Variants in GALNTL6 observed in about 807,000 individuals in gnomAD.
GALNTL6 encodes the protein polypeptide N-acetylgalactosaminyltransferase like 6, also known as polypeptide N-acetylgalactosaminyltransferase-like 6.
In GALNTL6, 46 loss-of-function variants were observed where a neutral mutation model predicts 73.7. The ratio of observed to expected loss-of-function variants is 0.62; its 90% CI spans 0.49 to 0.80. The LOEUF (loss-of-function observed/expected upper bound fraction) is 0.80. GALNTL6 is among the 30% of genes least tolerant of loss of function. The pLI is 0.00. For synonymous variants in GALNTL6, 259 were observed against 263.7 expected, an observed-to-expected ratio of 0.98 and a Z score of 0.17; for missense variants, 604 against 755.0, an observed-to-expected ratio of 0.80 and a Z score of 2.34.
At chr4:172,547,930 CAGTGGTAGTGCA>C (rs1168350069) in intron 5 of GALNTL6, among the ~76,000 whole-genome samples, 57 of 152,270 alleles carry the variant, frequency 3.7e-4, no homozygotes, top group Non-Finnish European at 7.6e-4. Flanking sequence ...TAAAGAGCCC[CAGTGGTAGTGCA>C]AGCTGTACAG....
At chr4:172,499,369 A>G (rs1284344941) in intron 5 of GALNTL6, among the ~76,000 whole-genome samples, 1 of 152,200 alleles carries the variant, frequency 6.6e-6, no homozygotes, top group Admixed American at 6.5e-5. Flanking sequence ...TCTGCAAAGC[A>G]GGAGGAAGGC....
chr4:172,870,217 A>ATGTT (rs1472330582), intron 7 of GALNTL6, among the ~76,000 whole-genome samples: 1 of 152,114 alleles, frequency 6.6e-6, no homozygotes, highest in Non-Finnish European at 1.5e-5. Flanking sequence ...GAACAAATTT[A>ATGTT]TGTTTAAATT....
chr4:172,282,498 C>T (rs924518249), intron 3 of GALNTL6, among the ~76,000 whole-genome samples: 2 of 151,782 alleles, frequency 1.3e-5, no homozygotes, highest in African/African-American at 2.4e-5. Flanking sequence ...GAGCAGAGGC[C>T]GGTATAGGTA....
chr4:172,471,483 T>G (rs1158220392), intron 5 of GALNTL6, among the ~76,000 whole-genome samples: 1 of 152,222 alleles, frequency 6.6e-6, no homozygotes, highest in African/African-American at 2.4e-5. Context: ...CCACTGTGAA[T>G]CCAATCACAT....
At chr4:172,889,367 C>T (rs1366969631) in intron 8 of GALNTL6, among the ~76,000 whole-genome samples, 1 of 152,028 alleles carries the variant, frequency 6.6e-6, no homozygotes, top group Non-Finnish European at 1.5e-5. Flanking sequence ...AGCTTTTGCC[C>T]ATTCAGTATG....
At chr4:172,455,226 G>A (rs970916957) in intron 5 of GALNTL6, among the ~76,000 whole-genome samples, 8 of 152,184 alleles carry the variant, frequency 5.3e-5, no homozygotes, top group Admixed American at 3.9e-4. Flanking sequence ...AGACCAGGAG[G>A]TTCCTTGGGT....
intron 2 of GALNTL6, among the ~76,000 whole-genome samples, chr4:171,860,754 A>T (rs1285035021): frequency 1.3e-5 from 2 of 152,098 alleles, no homozygotes; most frequent in Non-Finnish European, 2.9e-5. Context: ...CTTAATATGG[A>T]TCTGTTTCGG....
At chr4:172,808,840 T>A (rs1470433493) in intron 5 of GALNTL6, among the ~76,000 whole-genome samples, 4 of 152,242 alleles carry the variant, frequency 2.6e-5, no homozygotes, top group African/African-American at 9.6e-5. Context: ...AAGCCAGGTG[T>A]TAAACTTTCT....
At chr4:171,987,946 T>C (rs1389138621) in intron 2 of GALNTL6, among the ~76,000 whole-genome samples, 1 of 152,144 alleles carries the variant, frequency 6.6e-6, no homozygotes, top group Admixed American at 6.6e-5. Context: ...ATGGTAATTA[T>C]GGGACTTAAC....
chr4:172,899,034 T>C (rs1746482904), intron 8 of GALNTL6, among the ~76,000 whole-genome samples: 1 of 152,168 alleles, frequency 6.6e-6, no homozygotes, highest in Non-Finnish European at 1.5e-5. Context: ...CAATTGATCA[T>C]GACCCTCTCA....
chr4:172,469,010 G>A (rs1470452657), intron 5 of GALNTL6, among the ~76,000 whole-genome samples: 1 of 152,114 alleles, frequency 6.6e-6, no homozygotes, highest in Non-Finnish European at 1.5e-5. Context: ...CCTAAGAATG[G>A]CAAGGATTCA....
chr4:172,669,759 ATCAC>A (rs3084306), intron 5 of GALNTL6, among the ~76,000 whole-genome samples: 146,026 of 152,002 alleles, frequency 0.96, 70,410 homozygotes, highest in Non-Finnish European at 1. Context: ...AGATTATTTC[ATCAC>A]TCAGGTATGA....
chr4:172,899,890 G>A (rs961803206), intron 8 of GALNTL6, among the ~76,000 whole-genome samples: 9 of 152,166 alleles, frequency 5.9e-5, no homozygotes, highest in African/African-American at 2.2e-4. Flanking sequence ...CATGGCATTG[G>A]TGGGAGTGTA....
At chr4:172,974,971 C>T (rs1750741511) in intron 10 of GALNTL6, among the ~76,000 whole-genome samples, 1 of 152,236 alleles carries the variant, frequency 6.6e-6, no homozygotes, top group Non-Finnish European at 1.5e-5. Context: ...TGTCACAGCC[C>T]TGGCTTGGGG....
intron 3 of GALNTL6, among the ~76,000 whole-genome samples, chr4:172,260,534 A>G (rs1158591002): frequency 2.0e-5 from 3 of 151,494 alleles, no homozygotes; most frequent in Non-Finnish European, 4.4e-5. Context: ...TAGGTATACA[A>G]TCATATCTTT....
chr4:172,010,941 A>C (rs991481298), intron 2 of GALNTL6, among the ~76,000 whole-genome samples: 1 of 152,078 alleles, frequency 6.6e-6, no homozygotes, highest in African/African-American at 2.4e-5. Flanking sequence ...TGGATGCTAT[A>C]TATTCCCATA....
intron 8 of GALNTL6, among the ~76,000 whole-genome samples, chr4:172,919,145 T>C (rs961557530): frequency 1.3e-5 from 2 of 152,218 alleles, no homozygotes; most frequent in Non-Finnish European, 2.9e-5. Flanking sequence ...AGTTTTTAAA[T>C]GTGGATATTT....
intron 12 of GALNTL6, 57 bp downstream of exon 12, chr4:173,021,682 C>G (rs1752997251): frequency 6.3e-7 from 1 of 1,576,202 alleles, no homozygotes; most frequent in Non-Finnish European, 8.7e-7. Context: ...GTTATTCTTA[C>G]TCAGTTTTCT....
intron 5 of GALNTL6, among the ~76,000 whole-genome samples, chr4:172,657,612 A>G (rs1422278629): frequency 6.6e-6 from 1 of 152,204 alleles, no homozygotes; most frequent in Non-Finnish European, 1.5e-5. Flanking sequence ...AAAATACACC[A>G]TCAGGCCATT....
Sources: allele counts gnomAD v4.1 joint callset (sites outside exome capture counted in the v4.1 genomes callset), GRCh38; gene constraint gnomAD v4.1.1; transcripts MANE v1.5; gene names NCBI Gene and HGNC (gene_info 2026-07-23, HGNC 2026-07-21).